Variants in MCC observed in about 807,000 individuals in gnomAD.
The protein encoded by MCC is MCC regulator of Wnt signaling pathway, also known as colorectal mutant cancer protein.
A neutral mutation model predicts 116.2 loss-of-function variants in MCC; 90 were observed. The observed-to-expected ratio is 0.77, with a 90% confidence interval of 0.65 to 0.92. The LOEUF is 0.92. Among genes scored for constraint, MCC ranks in the 40% least tolerant of loss-of-function variants. The pLI, the probability that MCC is intolerant of heterozygous loss-of-function variation, is 0.00. For synonymous variants in MCC, 578 were observed against 510.5 expected (o/e 1.13, Z -1.78); for missense variants, 1,516 against 1,312.2 (o/e 1.16, Z -2.40).
At chr5:113,324,557 C>T (rs1330736143) in intron 3 of MCC, among the ~76,000 whole-genome samples, 2 of 152,258 alleles carry the variant, frequency 1.3e-5, no homozygotes, top group East Asian at 3.9e-4. Flanking sequence ...ATTTTAAAGA[C>T]TTTTCCTTCT....
In MCC at chr5:113,074,853, A is replaced by T. The variant is rs150844899; in HGVS notation, c.1785-3619T>A. On this transcript the variant is annotated intron_variant, in intron 11 of 18. Transcript: ENST00000408903. ...AGTTTAGAGAAAAATGAGTAAAAAG[A>T]AATGAACAAAGCCTCCAAGAAATAA... Among the ~76,000 whole-genome samples the T allele has an allele frequency of 1.4e-3, 212 of 152,366 alleles. 1 individual carries two copies. The highest frequency in any genetic ancestry group is 4.8e-3 in the African/African-American group (199 of 41,588).
intron 3 of MCC, among the ~76,000 whole-genome samples, chr5:113,260,181 T>C (rs1765168835): frequency 6.6e-6 from 1 of 152,182 alleles, no homozygotes; most frequent in Non-Finnish European, 1.5e-5. Context: ...CCAAGGACCC[T>C]AAAGAGTTCT....
chr5:113,380,865 T>G (rs1769101895), intron 2 of MCC, among the ~76,000 whole-genome samples: 2 of 152,194 alleles, frequency 1.3e-5, no homozygotes, highest in African/African-American at 4.8e-5. Flanking sequence ...AAGGCCAGTG[T>G]GACTGTGGCA....
chr5:113,075,932 C>T (rs536712583), intron 11 of MCC, among the ~76,000 whole-genome samples: 44 of 152,228 alleles, frequency 2.9e-4, no homozygotes, highest in Non-Finnish European at 2.9e-4. Context: ...CAGATGCGCC[C>T]CCTTTAAGAG....
rs573955632 is a variant in MCC, at chr5:113,027,395, C to T, written c.2967G>A (p.Glu989=). ...GCATCCTCACTTGGGTCTCATGTCTCTCCACCATGGCCATCATCTGCGACT... is the reference window on the plus strand; with the variant it reads ...GCATCCTCACTTGGGTCTCATGTCTTTCCACCATGGCCATCATCTGCGACT... ...KLESQMMAMV[E]RHETQVRMLK... Residue 989 remains glutamate, a synonymous_variant, in exon 19 of 19, where the codon GAG becomes GAA. Transcript: ENST00000408903. The T allele has an allele frequency of 6.2e-7, 1 of 1,614,216 alleles. No individual in the cohort carries two copies. The highest frequency in any genetic ancestry group is 1.1e-5 in the South Asian group (1 of 91,084).
At chr5:113,425,388 A>T in intron 1 of MCC, among the ~76,000 whole-genome samples, 1 of 150,832 alleles carries the variant, frequency 6.6e-6, no homozygotes, top group Admixed American at 6.6e-5. Context: ...GGAGAGGGAC[A>T]CCACCAAAAG....
intron 5 of MCC, among the ~76,000 whole-genome samples, chr5:113,126,283 G>C (rs1016085556): frequency 3.9e-5 from 6 of 152,142 alleles, no homozygotes; most frequent in Non-Finnish European, 7.3e-5. Flanking sequence ...AAAAATCACA[G>C]GCTGGCAGAC....
intron 11 of MCC, among the ~76,000 whole-genome samples, chr5:113,078,884 T>A (rs1754649668): frequency 1.3e-5 from 2 of 152,212 alleles, no homozygotes; most frequent in Admixed American, 1.3e-4. Context: ...TGTTTGCAGA[T>A]GACATGATTG....
In MCC at chr5:113,484,119, C is replaced by T. The variant is rs986531752; in HGVS notation, c.170+4126G>A. 6.6e-5 allele frequency among the ~76,000 whole-genome samples: 10 copies of T among 151,994 alleles called. 1 individual carries two copies. The highest frequency in any genetic ancestry group is 2.0e-4 in the Admixed American group (3 of 15,264). On this transcript the variant is annotated intron_variant, in intron 1 of 18. Transcript: ENST00000408903. ...ACTAGGCTTAGCACCCATAACTAGT[C>T]GGCACTAGGCTTAGTATCCATAACT...
At chr5:113,294,190 C>T (rs485210) in intron 3 of MCC, 574,696 of 1,020,916 alleles carry the variant, frequency 0.56, 168,641 homozygotes, top group African/African-American at 0.92. Context: ...AGAAAATCTA[C>T]TAATCTTCAA....
intron 5 of MCC, among the ~76,000 whole-genome samples, chr5:113,127,941 C>T (rs1466063922): frequency 6.6e-6 from 1 of 152,146 alleles, no homozygotes; most frequent in Non-Finnish European, 1.5e-5. Flanking sequence ...AATGAAATTG[C>T]CTAGGTTGTC....
At position 113,024,916 on chromosome 5, in the gene MCC, A is replaced by ATAGTT. The variant is rs1171802371; in HGVS notation, c.*2381_*2385dup. 6.6e-6 allele frequency: 1 copy of ATAGTT among 152,188 alleles called. No individual in the cohort carries two copies. The highest frequency in any genetic ancestry group is 2.4e-5 in the African/African-American group (1 of 41,430). 9.4% of individuals were successfully genotyped at this position (152,188 alleles called of 1,614,324 possible). On this transcript the variant is annotated 3_prime_UTR_variant, in exon 19 of 19. Transcript: ENST00000408903. Reference sequence around the variant, plus strand: ...AAAAATTAACACTTTTGCCTGCAAAATAGTTTTTACCCAAATCACATTTGA... The same window carrying ATAGTT: ...AAAAATTAACACTTTTGCCTGCAAAATAGTTTAGTTTTTACCCAAATCACATTTGA...
chr5:113,410,512 C>T (rs1485135152), intron 1 of MCC, among the ~76,000 whole-genome samples: 1 of 152,146 alleles, frequency 6.6e-6, no homozygotes, highest in Non-Finnish European at 1.5e-5. Context: ...TGGGTCATGT[C>T]TGTGATTCCA....
At chr5:113,100,620 C>T (rs1756346566) in intron 8 of MCC, among the ~76,000 whole-genome samples, 1 of 152,014 alleles carries the variant, frequency 6.6e-6, no homozygotes, top group Non-Finnish European at 1.5e-5. Flanking sequence ...TACAGGCACA[C>T]AGCACCATGT....
At chr5:113,043,350 C>G (rs1561746037) in intron 17 of MCC, among the ~76,000 whole-genome samples, 180 bp downstream of exon 17, 2 of 152,310 alleles carry the variant, frequency 1.3e-5, no homozygotes, top group South Asian at 4.1e-4. Flanking sequence ...CTTAAGTGCT[C>G]TCTCTTCTCA....
intron 1 of MCC, among the ~76,000 whole-genome samples, chr5:113,401,047 T>C (rs1351534762): frequency 6.6e-6 from 1 of 152,208 alleles, no homozygotes; most frequent in East Asian, 1.9e-4. Flanking sequence ...AGAGACCTAA[T>C]ACATAGGTTT....
At chr5:113,252,205 A>T (rs1466124625) in intron 3 of MCC, among the ~76,000 whole-genome samples, 3 of 152,084 alleles carry the variant, frequency 2.0e-5, no homozygotes, top group Non-Finnish European at 4.4e-5. Context: ...CTTAGTGTAG[A>T]GCCTCCCCAT....
chr5:113,400,387 T>C (rs1251591708), intron 1 of MCC, among the ~76,000 whole-genome samples: 1 of 152,096 alleles, frequency 6.6e-6, no homozygotes, highest in Non-Finnish European at 1.5e-5. Flanking sequence ...CCTCCCAAAG[T>C]GCTGGGATTA....
chr5:113,308,268 T>C (rs1199994711), intron 3 of MCC, among the ~76,000 whole-genome samples: 1 of 152,228 alleles, frequency 6.6e-6, no homozygotes, highest in Non-Finnish European at 1.5e-5. Context: ...GACATTAACC[T>C]TTCTGTTCTC....
Sources: allele counts gnomAD v4.1 joint callset (sites outside exome capture counted in the v4.1 genomes callset), GRCh38; gene constraint gnomAD v4.1.1; transcripts MANE v1.5; gene names NCBI Gene and HGNC (gene_info 2026-07-23, HGNC 2026-07-21).